Variants in PDE4D observed in about 807,000 individuals in gnomAD.
PDE4D encodes 3',5'-cyclic-AMP phosphodiesterase 4D.
PDE4D carries 24 observed loss-of-function variants against 87.4 expected under a neutral mutation model. That is an observed-to-expected ratio of 0.27 (90% CI 0.20 to 0.39). The LOEUF is 0.39. Ranked by LOEUF, PDE4D falls within the 10% of genes least tolerant of loss-of-function variation. The probability of loss-of-function intolerance (pLI) is 1.00; values close to 1 mark genes in which losing one functional copy is unlikely to be tolerated. For missense variants in PDE4D, 714 were observed against 1,041.0 expected (o/e 0.69, Z 4.32); for synonymous variants, 384 against 383.2 (o/e 1.00, Z -0.02).
chr5:59,522,692 T>C (rs921151499), intron 1 of PDE4D, among the ~76,000 whole-genome samples: 2 of 152,208 alleles, frequency 1.3e-5, no homozygotes, highest in African/African-American at 4.8e-5. Context: ...GCCTATGCCA[T>C]TTCACATGAA....
At chr5:59,775,788 T>G (rs1034562531) in intron 1 of PDE4D, among the ~76,000 whole-genome samples, 1 of 152,206 alleles carries the variant, frequency 6.6e-6, no homozygotes, top group African/African-American at 2.4e-5. Context: ...ACAATAGTGA[T>G]CTATTCAAAA....
At chr5:59,594,212 G>A (rs1480464921) in intron 1 of PDE4D, among the ~76,000 whole-genome samples, 1 of 151,158 alleles carries the variant, frequency 6.6e-6, no homozygotes, top group Admixed American at 6.6e-5. Context: ...CTCACCAAAA[G>A]TCTGAAACCT....
chr5:58,995,926 G>A (rs1749101611), intron 6 of PDE4D, among the ~76,000 whole-genome samples: 1 of 152,164 alleles, frequency 6.6e-6, no homozygotes, highest in Non-Finnish European at 1.5e-5. Context: ...AAGAAAATGT[G>A]GCACATATAT....
chr5:59,148,754 G>GGTGTGTGTGTGT lies in PDE4D; in HGVS notation c.808+31829_808+31840dup, dbSNP rs3061422. ...TGTTTTCCAAAATAAAATATATAGC[G>GGTGTGTGTGTGT]GTGTGTGTGTGTGTGTGTGTGTGTG... On this transcript the variant is annotated intron_variant, in intron 5 of 14. Coordinates refer to ENST00000340635, the MANE Select transcript of PDE4D (RefSeq NM_001104631.2). Among the ~76,000 whole-genome samples the GGTGTGTGTGTGT allele has an allele frequency of 1.5e-3, 217 of 145,592 alleles. 1 individual carries two copies. The highest frequency in any genetic ancestry group is 1.8e-3 in the African/African-American group (72 of 39,232).
intron 2 of PDE4D, among the ~76,000 whole-genome samples, chr5:60,043,818 T>C (rs1256633564): frequency 6.6e-6 from 1 of 152,228 alleles, no homozygotes; most frequent in Non-Finnish European, 1.5e-5. Context: ...TCAAGGCAGG[T>C]CTACTGGTGA....
chr5:59,260,842 A>G (rs961577896), intron 1 of PDE4D, among the ~76,000 whole-genome samples: 6 of 151,636 alleles, frequency 4.0e-5, no homozygotes, highest in Admixed American at 2.6e-4. Flanking sequence ...CTTATAAGTA[A>G]CGTTTATAAA....
At chr5:59,848,019 T>C (rs1047911293) in intron 1 of PDE4D, among the ~76,000 whole-genome samples, 5 of 152,074 alleles carry the variant, frequency 3.3e-5, no homozygotes, top group African/African-American at 1.2e-4. Context: ...TATTTCTAAA[T>C]CCATTGGTGA....
chr5:60,403,811 T>C (rs1239032005), intron 1 of PDE4D, among the ~76,000 whole-genome samples: 1 of 152,216 alleles, frequency 6.6e-6, no homozygotes. Flanking sequence ...GTCAAGAAAG[T>C]ATTGTGAAAC....
At position 59,210,617 on chromosome 5, in the gene PDE4D, T is replaced by C. The variant is rs138258521; in HGVS notation, c.647+5160A>G. Among the ~76,000 whole-genome samples, 15 of 152,318 alleles carry C rather than the reference T, an allele frequency of 9.8e-5. No individual in the cohort carries two copies. The East Asian group carries it at 2.9e-3, about 29-fold the overall frequency. On this transcript the variant is annotated intron_variant, in intron 2 of 14. Transcript: ENST00000340635. ...GATAACTTAGCTAGATTCCCAAATA[T>C]GCCCCAGCTTTTTATGGTATATCAA... is the stretch of plus-strand genomic sequence containing the variant.
intron 1 of PDE4D, among the ~76,000 whole-genome samples, chr5:59,237,002 T>C (rs1756587555): frequency 6.6e-6 from 1 of 152,296 alleles, no homozygotes; most frequent in Non-Finnish European, 1.5e-5. Context: ...CCTTCAAATC[T>C]TGTCTCTAGC....
At chr5:60,243,731 A>G (rs1207283428) in intron 1 of PDE4D, among the ~76,000 whole-genome samples, 1 of 152,034 alleles carries the variant, frequency 6.6e-6, no homozygotes, top group African/African-American at 2.4e-5. Context: ...TGATGCTGAA[A>G]AAGCATTTGA....
chr5:59,445,869 A>G (rs1343434157), intron 1 of PDE4D, among the ~76,000 whole-genome samples: 4 of 152,220 alleles, frequency 2.6e-5, no homozygotes, highest in Non-Finnish European at 4.4e-5. Flanking sequence ...ACTAAAGAAG[A>G]AGAAAAAGCA....
chr5:59,217,167 C>A, intron 1 of PDE4D: 1 of 454,362 alleles, frequency 2.2e-6, no homozygotes, highest in Non-Finnish European at 4.4e-6. Flanking sequence ...AAACATCAAC[C>A]AGTATTAAAA....
At chr5:59,417,229 A>G (rs549215492) in intron 1 of PDE4D, among the ~76,000 whole-genome samples, 50 of 152,306 alleles carry the variant, frequency 3.3e-4, no homozygotes, top group African/African-American at 1.1e-3. Context: ...ACAGAATGCT[A>G]AAGTACTATA....
intron 11 of PDE4D, among the ~76,000 whole-genome samples, chr5:58,987,407 G>A (rs956295059): frequency 6.6e-6 from 1 of 152,142 alleles, no homozygotes; most frequent in South Asian, 2.1e-4. Context: ...CTACATGGAT[G>A]AGTCATTAGA....
chr5:59,797,480 A>G (rs1278302028), intron 1 of PDE4D, among the ~76,000 whole-genome samples: 1 of 152,214 alleles, frequency 6.6e-6, no homozygotes, highest in Non-Finnish European at 1.5e-5. Flanking sequence ...GCTACATGAA[A>G]TGGTATATAG....
At chr5:60,204,364 G>A (rs756200303) in intron 1 of PDE4D, among the ~76,000 whole-genome samples, 4 of 152,020 alleles carry the variant, frequency 2.6e-5, no homozygotes, top group African/African-American at 4.8e-5. Context: ...ATTATCTCAA[G>A]CTTAGCCCAG....
chr5:60,226,478 T>C (rs988197764), intron 1 of PDE4D, among the ~76,000 whole-genome samples: 1 of 152,144 alleles, frequency 6.6e-6, no homozygotes, highest in African/African-American at 2.4e-5. Flanking sequence ...ATGTAAGCCT[T>C]AATGCATGTG....
chr5:59,479,391 A>C (rs1224338610), intron 1 of PDE4D, among the ~76,000 whole-genome samples: 1 of 152,094 alleles, frequency 6.6e-6, no homozygotes, highest in African/African-American at 2.4e-5. Context: ...AGATAAATAA[A>C]TAACTAGATT....
Sources: gnomAD v4.1 joint callset for allele counts (sites outside exome capture counted in the v4.1 genomes callset) on GRCh38, gnomAD v4.1.1 for gene constraint, MANE v1.5 for transcripts, NCBI Gene and HGNC (gene_info 2026-07-23, HGNC 2026-07-21) for gene names.